The following CLNK variants were observed in gnomAD, a reference collection of about 807,000 sequenced individuals.
The protein encoded by CLNK is cytokine-dependent hematopoietic cell linker.
In CLNK, 74 loss-of-function variants were observed where a neutral mutation model predicts 68.6. The ratio of observed to expected loss-of-function variants is 1.08; its 90% CI spans 0.89 to 1.31. CLNK has a LOEUF of 1.31. Ranked by LOEUF, CLNK falls within the 50% of genes most tolerant of loss-of-function variation. The pLI, the probability that CLNK is intolerant of heterozygous loss-of-function variation, is 0.00. For synonymous variants in CLNK, 198 were observed against 172.2 expected, an observed-to-expected ratio of 1.15 and a Z score of -1.17; for missense variants, 553 against 515.3, an observed-to-expected ratio of 1.07 and a Z score of -0.71.
chr4:10,556,575 A>C (rs1252552056), intron 8 of CLNK, among the ~76,000 whole-genome samples: 3 of 152,288 alleles, frequency 2.0e-5, no homozygotes, highest in African/African-American at 7.2e-5. Context: ...GCAATTATGA[A>C]GTTCATTTCT....
intron 2 of CLNK, among the ~76,000 whole-genome samples, chr4:10,620,797 G>A (rs2079686): frequency 0.97 from 147,363 of 152,208 alleles, 71,451 homozygotes; most frequent in East Asian, 1. Context: ...AGCTGAGGCT[G>A]AGGAGGGTAA....
intron 15 of CLNK, among the ~76,000 whole-genome samples, chr4:10,515,207 C>T (rs1160916432): frequency 6.6e-6 from 1 of 152,158 alleles, no homozygotes; most frequent in Non-Finnish European, 1.5e-5. Flanking sequence ...CATTGCACTC[C>T]AGCCTGGGCA....
chr4:10,632,932 CAG>C (rs921885066), intron 2 of CLNK, among the ~76,000 whole-genome samples: 3 of 152,148 alleles, frequency 2.0e-5, no homozygotes, highest in African/African-American at 7.2e-5. Context: ...TATTTTGAGA[CAG>C]AGAAAAGATA....
In CLNK at chr4:10,528,026, G is replaced by T. The variant is rs148482210; in HGVS notation, c.649+50C>A. 139 of 1,073,746 alleles carry T rather than the reference G, an allele frequency of 1.3e-4. No homozygotes were observed. In the East Asian group the frequency reaches 3.6e-3, roughly 28 times the overall value. 66.5% of individuals were successfully genotyped at this position (1,073,746 alleles called of 1,614,324 possible). On this transcript the variant is annotated intron_variant, in intron 13 of 18. Transcript: ENST00000226951. ...CATGAGCACTGTAGATCTAGAAAGA[G>T]AACCTAGTCTATTAGTATTAGGGTA... is the stretch of plus-strand genomic sequence containing the variant.
intron 17 of CLNK, among the ~76,000 whole-genome samples, chr4:10,504,116 C>CTTT (rs10660433): frequency 0.023 from 1,564 of 67,304 alleles, 90 homozygotes; most frequent in Non-Finnish European, 0.03. Flanking sequence ...TCTTTGGGTT[C>CTTT]TTTTTTTTTT....
intron 4 of CLNK, among the ~76,000 whole-genome samples, chr4:10,573,643 G>A (rs1162869510): frequency 2.0e-5 from 3 of 152,180 alleles, no homozygotes; most frequent in Non-Finnish European, 2.9e-5. Flanking sequence ...TCGTTATCGA[G>A]GAAAACAACT....
At position 10,592,098 on chromosome 4, in the gene CLNK, T is replaced by A. The variant is rs575181051; in HGVS notation, c.83+5880A>T. Among the ~76,000 whole-genome samples, 18 of 152,334 alleles carry A rather than the reference T, an allele frequency of 1.2e-4. No homozygotes were observed. In the East Asian group the frequency reaches 2.3e-3, roughly 20 times the overall value. ...CCCTCCTCTGAGAACCTGTGGCACT[T>A]CTTACTCGAATCATGCATTTAGTAA... On this transcript the variant is annotated intron_variant, in intron 3 of 18. Transcript: ENST00000226951.
the CLNK span, among the ~76,000 whole-genome samples, chr4:10,701,656 A>G: frequency 3.9e-5 from 6 of 152,214 alleles, no homozygotes; most frequent in Non-Finnish European, 7.3e-5. Flanking sequence ...ACACGCCACC[A>G]TAGAAAAGGC....
intron 2 of CLNK, among the ~76,000 whole-genome samples, chr4:10,622,727 TAGTC>T (rs1364057148): frequency 1.3e-5 from 2 of 152,244 alleles, no homozygotes; most frequent in African/African-American, 4.8e-5. Flanking sequence ...GAAAATATCT[TAGTC>T]AGCTTGGGCT....
the CLNK span, among the ~76,000 whole-genome samples, chr4:10,704,650 G>T: frequency 6.6e-6 from 1 of 152,100 alleles, no homozygotes. Flanking sequence ...GGACATGGCA[G>T]CTCTGCCCAA....
At chr4:10,728,806 A>G in the CLNK span, among the ~76,000 whole-genome samples, 6 of 151,826 alleles carry the variant, frequency 4.0e-5, no homozygotes, top group Non-Finnish European at 4.4e-5. Context: ...CATGTTAGTT[A>G]GCCAGGATGG....
Position 10,520,845 on chromosome 4 carries a change from T to C in CLNK, c.732-14A>G, listed in dbSNP as rs372269084. The C allele has an allele frequency of 2.5e-6, 4 of 1,588,966 alleles. No homozygotes were observed. The highest frequency in any genetic ancestry group is 2.3e-5 in the South Asian group (2 of 88,028). ...GTGAATGAAGAACTATAAGAAAATA[T>C]GTTAAAATTCAAAGAATGTTAGTAT... On this transcript the variant is annotated splice_polypyrimidine_tract_variant and intron_variant, in intron 14 of 18. Coordinates refer to ENST00000226951, the MANE Select transcript of CLNK (RefSeq NM_052964.4).
intron 3 of CLNK, among the ~76,000 whole-genome samples, chr4:10,588,872 A>G (rs1721079802): frequency 6.6e-6 from 1 of 152,020 alleles, no homozygotes; most frequent in African/African-American, 2.4e-5. Flanking sequence ...CATACAATGT[A>G]TTATACGTCT....
rs1553847879 is a variant in CLNK, at chr4:10,535,235, G to GAAAGAAAGAAAGAAAA, written c.603-2953_603-2952insTTTTCTTTCTTTCTTT. Among the ~76,000 whole-genome samples the GAAAGAAAGAAAGAAAA allele has an allele frequency of 4.3e-4, 65 of 150,024 alleles. 1 individual carries two copies. The highest frequency in any genetic ancestry group is 1.5e-3 in the African/African-American group (61 of 40,706). ...AAAGAGAAAGAAAGAAAGAAAGAAAGAAAGAAAGAAAGAAAGAAAGAAAGA... is the reference window on the plus strand; with the variant it reads ...AAAGAGAAAGAAAGAAAGAAAGAAAGAAAGAAAGAAAGAAAAAAAGAAAGAAAGAAAGAAAGAAAGA... On this transcript the variant is annotated intron_variant, in intron 11 of 18. Transcript: ENST00000226951.
At chr4:10,709,299 CA>C in the CLNK span, among the ~76,000 whole-genome samples, 2 of 152,184 alleles carry the variant, frequency 1.3e-5, no homozygotes, top group Non-Finnish European at 2.9e-5. Flanking sequence ...CTATCCTTTT[CA>C]AGTGTTCAAG....
In CLNK at chr4:10,684,681, A is replaced by C. The variant is rs1461762553; in HGVS notation, c.-56T>G. The C allele has an allele frequency of 6.6e-6, 1 of 152,316 alleles. No individual in the cohort carries two copies. Among genetic ancestry groups the C allele is most frequent in the African/African-American group, 2.4e-5 (1 of 41,572 alleles). The allele number at this position is 152,316 out of a possible 1,614,324, so 9.4% of individuals were successfully genotyped here. ...TAATGAGTTTACCTGAACAGCGTGGAGAGCACCAAGGGATCTAGGCTGAGG... is the reference window on the plus strand; with the variant it reads ...TAATGAGTTTACCTGAACAGCGTGGCGAGCACCAAGGGATCTAGGCTGAGG... On this transcript the variant is annotated 5_prime_UTR_variant, in exon 1 of 19. Transcript: ENST00000226951.
chr4:10,600,560 T>C lies in CLNK; in HGVS notation c.12-2511A>G, dbSNP rs193267897. Among the ~76,000 whole-genome samples the C allele has an allele frequency of 4.4e-4, 67 of 152,332 alleles. No homozygotes were observed. In the East Asian group the frequency reaches 0.012, roughly 26 times the overall value. On this transcript the variant is annotated intron_variant, in intron 2 of 18. Coordinates refer to ENST00000226951, the MANE Select transcript of CLNK (RefSeq NM_052964.4). ...ATGCATGTACATGTCCATATCCCCTTGCATTGGAGCCTTGCAAGGGTAGAT... is the reference window on the plus strand; with the variant it reads ...ATGCATGTACATGTCCATATCCCCTCGCATTGGAGCCTTGCAAGGGTAGAT...
chr4:10,530,578 G>T (rs1305738719), intron 12 of CLNK, among the ~76,000 whole-genome samples: 3 of 152,154 alleles, frequency 2.0e-5, no homozygotes, highest in African/African-American at 7.2e-5. Context: ...AAGTTGCAAA[G>T]AAAACAAACA....
intron 2 of CLNK, among the ~76,000 whole-genome samples, chr4:10,643,954 G>A (rs915944415): frequency 6.6e-6 from 1 of 152,216 alleles, no homozygotes; most frequent in African/African-American, 2.4e-5. Flanking sequence ...GCCTGAAACT[G>A]ATTTTTGAAG....
Sources: gnomAD v4.1 joint callset for allele counts (sites outside exome capture counted in the v4.1 genomes callset) on GRCh38, gnomAD v4.1.1 for gene constraint, MANE v1.5 for transcripts, NCBI Gene and HGNC (gene_info 2026-07-23, HGNC 2026-07-21) for gene names.